TMEM87A: variants seen among roughly 807,000 people sequenced by gnomAD.
TMEM87A encodes Golgi-pH regulating cation channel.
In TMEM87A, 50 loss-of-function variants were observed where a neutral mutation model predicts 90.0. The observed-to-expected ratio is 0.56, with a 90% CI of 0.44 to 0.70. TMEM87A has a LOEUF of 0.70. Ranked by LOEUF, TMEM87A falls within the 30% of genes least tolerant of loss-of-function variation. The pLI is 0.00. For synonymous variants in TMEM87A, 226 were observed against 226.7 expected (o/e 1.00, Z 0.03); for missense variants, 577 against 660.5 (o/e 0.87, Z 1.39).
At chr15:42,273,076 C>T in intron 1 of TMEM87A, 179 bp downstream of exon 1, 1 of 740,238 alleles carries the variant, frequency 1.4e-6, no homozygotes. Context: ...AGCCTAATCA[C>T]AGAAGTGCGC....
chr15:42,268,707 G>A (rs2051454263), intron 2 of TMEM87A, among the ~76,000 whole-genome samples: 1 of 149,724 alleles, frequency 6.7e-6, no homozygotes, highest in African/African-American at 2.5e-5. Flanking sequence ...AATAGCACAA[G>A]TATTACAAAG....
At chr15:42,257,718 A>G (rs910611774) in intron 6 of TMEM87A, among the ~76,000 whole-genome samples, 3 of 152,328 alleles carry the variant, frequency 2.0e-5, no homozygotes, top group Non-Finnish European at 4.4e-5. Context: ...AACTTTATCC[A>G]TAATAGGGGA....
rs2051089706 is a variant in TMEM87A, at chr15:42,251,705, G to A, written c.505-7538C>T. On this transcript the variant is annotated intron_variant, in intron 6 of 19. Coordinates refer to ENST00000389834, the MANE Select transcript of TMEM87A (RefSeq NM_015497.5). ...CCCAGTTAGGCTACATGGGGGTCAG[G>A]GACCCACTTGAGGAGGCAGTCTGTC... 2.0e-5 allele frequency among the ~76,000 whole-genome samples: 3 copies of A among 152,180 alleles called. No individual in the cohort carries two copies. In the South Asian group the frequency reaches 6.2e-4, roughly 32 times the overall value.
At chr15:42,258,324 T>C (rs550488358) in intron 6 of TMEM87A, 1 of 690,934 alleles carries the variant, frequency 1.4e-6, no homozygotes, top group Non-Finnish European at 1.8e-6. Context: ...AATATATCAC[T>C]GCATGGTATT....
intron 8 of TMEM87A, among the ~76,000 whole-genome samples, chr15:42,238,536 C>T (rs1595724958): frequency 6.6e-6 from 1 of 152,180 alleles, no homozygotes; most frequent in South Asian, 2.1e-4. Context: ...TGCCATTCCA[C>T]TCCAGTCTGG....
chr15:42,258,039 A>C (rs746977381), intron 6 of TMEM87A: 15 of 972,946 alleles, frequency 1.5e-5, no homozygotes, highest in Admixed American at 6.2e-5. Context: ...CTTAAAAGCA[A>C]ATGTAGTTAA....
At chr15:42,267,601 G>T (rs1407405649) in intron 3 of TMEM87A, among the ~76,000 whole-genome samples, 1 of 152,136 alleles carries the variant, frequency 6.6e-6, no homozygotes, top group African/African-American at 2.4e-5. Context: ...CTACTCTTCT[G>T]TGTGGTTTTC....
At chr15:42,226,763 T>C in intron 15 of TMEM87A, 43 bp downstream of exon 15, 4 of 1,546,988 alleles carry the variant, frequency 2.6e-6, no homozygotes, top group South Asian at 1.1e-5. Context: ...ATTGATGACA[T>C]GGTCATCTCA....
intron 10 of TMEM87A, 45 bp downstream of exon 10, chr15:42,236,275 A>C (rs1482246600): frequency 1.3e-6 from 2 of 1,493,324 alleles, no homozygotes; most frequent in Admixed American, 1.7e-5. Context: ...TTTTAATTTA[A>C]TCAGCATTTT....
intron 4 of TMEM87A, among the ~76,000 whole-genome samples, chr15:42,263,059 G>C (rs990219457): frequency 3.9e-5 from 6 of 152,114 alleles, no homozygotes; most frequent in African/African-American, 1.4e-4. Flanking sequence ...TCTGATTTCA[G>C]ATCTATAGAA....
chr15:42,249,580 ATTT>A (rs2051045016), intron 6 of TMEM87A, among the ~76,000 whole-genome samples: 2 of 152,112 alleles, frequency 1.3e-5, no homozygotes, highest in South Asian at 4.1e-4. Flanking sequence ...GTTTCCATGT[ATTT>A]GTGTGGTTTT....
At chr15:42,255,622 A>T (rs1031810953) in intron 6 of TMEM87A, among the ~76,000 whole-genome samples, 4 of 152,198 alleles carry the variant, frequency 2.6e-5, no homozygotes, top group African/African-American at 9.7e-5. Context: ...AATAAACTCT[A>T]TTAATTTTTT....
intron 19 of TMEM87A, among the ~76,000 whole-genome samples, chr15:42,212,409 CA>C (rs1282500796): frequency 6.6e-6 from 1 of 152,132 alleles, no homozygotes; most frequent in African/African-American, 2.4e-5. Flanking sequence ...TGAATATAAT[CA>C]ATCACATCAG....
At chr15:42,228,849 C>A (rs1183705824) in intron 12 of TMEM87A, 29 bp from the exon 13 acceptor site, 2 of 1,480,192 alleles carry the variant, frequency 1.4e-6, no homozygotes, top group Admixed American at 4.3e-5. Context: ...ATTCAACATT[C>A]AGGAAAAAAC....
intron 6 of TMEM87A, among the ~76,000 whole-genome samples, 197 bp downstream of exon 6, chr15:42,260,761 T>A (rs2051271867): frequency 6.6e-6 from 1 of 152,142 alleles, no homozygotes; most frequent in African/African-American, 2.4e-5. Context: ...AGTAGAAAAT[T>A]CAGAAAACAC....
rs758828616 is a variant in TMEM87A, at chr15:42,220,134, A to G, written c.1405T>C (p.Phe469Leu). Residue 469 changes from phenylalanine (F) to leucine (L), a missense_variant and splice_region_variant, in exon 16 of 20, where the codon TTT becomes CTT. Coordinates refer to ENST00000389834, the MANE Select transcript of TMEM87A (RefSeq NM_015497.5). ...LWRPSANNQRFAFSPLSEEEE... is the reference protein window; with the variant it reads ...LWRPSANNQRLAFSPLSEEEE... ...TCCTCAGACAATGGTGAAAAGGCAA[A>G]CCTAACAGAACCAAAGTGAACAGAA... The G allele has an allele frequency of 1.7e-5, 27 of 1,601,556 alleles. No individual in the cohort carries two copies. Among genetic ancestry groups the G allele is most frequent in the Non-Finnish European group, 2.0e-5 (24 of 1,176,512 alleles).
intron 7 of TMEM87A, among the ~76,000 whole-genome samples, chr15:42,242,009 A>G (rs2050879492): frequency 6.6e-6 from 1 of 150,896 alleles, no homozygotes; most frequent in Non-Finnish European, 1.5e-5. Context: ...AGAGGTTGCA[A>G]TGAGTCAAGA....
intron 6 of TMEM87A, among the ~76,000 whole-genome samples, chr15:42,250,972 G>A (rs1354875817): frequency 6.6e-6 from 1 of 151,434 alleles, no homozygotes; most frequent in African/African-American, 2.4e-5. Context: ...TTCTCTTCTC[G>A]CTTCATTTCA....
rs1314166691 is a variant in TMEM87A, at chr15:42,273,241, A to G, written c.144+14T>C. The G allele has an allele frequency of 1.4e-5, 22 of 1,613,306 alleles. No homozygotes were observed. The highest frequency in any genetic ancestry group is 1.9e-5 in the Non-Finnish European group (22 of 1,179,360). ...GCTCCTCTAGGTTCAGACGTTAGTG[A>G]AGTGAATACTCACCGACGGTATCGG... On this transcript the variant is annotated intron_variant, in intron 1 of 19. Transcript: ENST00000389834.
Sources: allele counts gnomAD v4.1 joint callset (sites outside exome capture counted in the v4.1 genomes callset), GRCh38; gene constraint gnomAD v4.1.1; transcripts MANE v1.5; gene names NCBI Gene and HGNC (gene_info 2026-07-23, HGNC 2026-07-21).